Variants in FBXW4 observed in about 807,000 individuals in gnomAD.
FBXW4 encodes F-box/WD repeat-containing protein 4.
A neutral mutation model predicts 61.8 loss-of-function variants in FBXW4; 40 were observed. The ratio of observed to expected loss-of-function variants is 0.65; its 90% CI spans 0.50 to 0.84. The LOEUF (loss-of-function observed/expected upper bound fraction) is 0.84. Ranked by LOEUF, FBXW4 falls within the 40% of genes least tolerant of loss-of-function variation. The pLI, the probability that FBXW4 is intolerant of heterozygous loss-of-function variation, is 0.00. For missense variants in FBXW4, 672 were observed against 753.8 expected, an observed-to-expected ratio of 0.89 and a Z score of 1.27; for synonymous variants, 311 against 313.8, an observed-to-expected ratio of 0.99 and a Z score of 0.10.
At chr10:101,629,699 C>A (rs1482841810) in intron 5 of FBXW4, among the ~76,000 whole-genome samples, 1 of 151,858 alleles carries the variant, frequency 6.6e-6, no homozygotes, top group Non-Finnish European at 1.5e-5. Context: ...AGTCTTGATT[C>A]CAGACCCAAG....
chr10:101,624,293 T>C (rs948975599), intron 6 of FBXW4, among the ~76,000 whole-genome samples: 4 of 150,296 alleles, frequency 2.7e-5, no homozygotes, highest in Non-Finnish European at 5.9e-5. Context: ...AAAACCAGAA[T>C]GGCAGATAAT....
chr10:101,624,744 C>A lies in FBXW4; in HGVS notation c.1301+1G>T. ...CCAGCATGGGCTCATGAATCTCTTA[C>A]CTGTTGAGGTCCCAGATTCTCAGGG... is the stretch of plus-strand genomic sequence containing the variant. On this transcript the variant is annotated splice_donor_variant, in intron 6 of 8. Coordinates refer to ENST00000331272, the MANE Select transcript of FBXW4 (RefSeq NM_022039.4). LOFTEE classifies it high-confidence loss of function. 1 of 1,614,194 alleles carries A rather than the reference C, an allele frequency of 6.2e-7. No individual in the cohort carries two copies. The highest frequency in any genetic ancestry group is 8.5e-7 in the Non-Finnish European group (1 of 1,180,012).
intron 5 of FBXW4, among the ~76,000 whole-genome samples, chr10:101,636,092 G>A (rs1234981314): frequency 1.3e-5 from 2 of 152,114 alleles, no homozygotes; most frequent in Admixed American, 1.3e-4. Flanking sequence ...GTTCACACCT[G>A]TAATCCCAGC....
At chr10:101,624,083 CACAG>C (rs897634787) in intron 6 of FBXW4, among the ~76,000 whole-genome samples, 4 of 138,774 alleles carry the variant, frequency 2.9e-5, no homozygotes, top group Non-Finnish European at 4.8e-5. Context: ...CACACATAGA[CACAG>C]ACAGACACAC....
Position 101,668,000 on chromosome 10 carries a change from T to C in FBXW4, c.1141-20A>G. The stretch of plus-strand genomic sequence containing the variant: ...CCACACCTAGAAACAGGAGAGGAGA[T>C]GCTCTCGTTGGCATTGCCTGGGATC... On this transcript the variant is annotated intron_variant, in intron 4 of 8. Coordinates refer to ENST00000331272, the MANE Select transcript of FBXW4 (RefSeq NM_022039.4). 6.3e-7 allele frequency: 1 copy of C among 1,598,624 alleles called. No homozygotes were observed. Among genetic ancestry groups the C allele is most frequent in the Non-Finnish European group, 8.6e-7 (1 of 1,165,850 alleles).
chr10:101,630,724 G>T (rs189008766), intron 5 of FBXW4, among the ~76,000 whole-genome samples: 82 of 152,314 alleles, frequency 5.4e-4, no homozygotes, highest in African/African-American at 1.9e-3. Context: ...CACAGGCAGG[G>T]GGCAGGTGAA....
At chr10:101,633,300 G>A (rs945640957) in intron 5 of FBXW4, among the ~76,000 whole-genome samples, 1 of 152,112 alleles carries the variant, frequency 6.6e-6, no homozygotes, top group Non-Finnish European at 1.5e-5. Context: ...CTACTATAAA[G>A]GGGACATCAA....
Position 101,624,997 on chromosome 10 carries a change from C to T in FBXW4, c.1236-187G>A, listed in dbSNP as rs2063896637. 4 of 658,746 alleles carry T rather than the reference C, an allele frequency of 6.1e-6. No individual in the cohort carries two copies. The East Asian group carries it at 1.1e-4, about 18-fold the overall frequency. 40.8% of individuals were successfully genotyped at this position (658,746 alleles called of 1,614,324 possible). A position where few individuals can be genotyped will look rare whatever the true frequency, so the allele number is the denominator to read the frequency against. ...TCTTGGAGCACTGTGAGGGGTGTAG[C>T]CCCCAGTGGTGCCTGGCCAGAAGAC... On this transcript the variant is annotated intron_variant, in intron 5 of 8. Transcript: ENST00000331272.
intron 2 of FBXW4, among the ~76,000 whole-genome samples, chr10:101,675,732 A>T (rs192329669): frequency 6.6e-6 from 1 of 152,358 alleles, no homozygotes; most frequent in East Asian, 1.9e-4. Flanking sequence ...TAGAGAGTCA[A>T]ATAATAACTA....
intron 5 of FBXW4, among the ~76,000 whole-genome samples, chr10:101,647,000 G>A (rs1256592190): frequency 6.6e-6 from 1 of 152,146 alleles, no homozygotes; most frequent in Non-Finnish European, 1.5e-5. Context: ...GGAATGGGGT[G>A]CAAGCATGGC....
At chr10:101,641,883 A>T (rs1392627488) in intron 5 of FBXW4, among the ~76,000 whole-genome samples, 4 of 152,028 alleles carry the variant, frequency 2.6e-5, no homozygotes, top group Non-Finnish European at 5.9e-5. Context: ...ACATGTGGCC[A>T]GGCACAGGCA....
Position 101,694,899 on chromosome 10 carries a change from G to A in FBXW4, c.207C>T (p.Ala69=), listed in dbSNP as rs2064660490. ...KPGPQTAKEA[A]GPGADAGARA... is the part of the protein sequence containing the mutation. The stretch of plus-strand genomic sequence containing the variant: ...TCGCTCCCGCGTCAGCCCCCGGCCC[G>A]GCTGCCTCCTTCGCCGTCTGCGGCC... Residue 69 remains alanine (A), a synonymous_variant, in exon 1 of 9, where the codon GCC becomes GCT. Transcript: ENST00000331272. The surrounding 1 kb of genome is among the most constrained non-coding windows in gnomAD (Gnocchi z 6.0). 10 of 1,246,478 alleles carry A rather than the reference G, an allele frequency of 8.0e-6. No individual in the cohort carries two copies. The highest frequency in any genetic ancestry group is 1.0e-5 in the Non-Finnish European group (10 of 996,902). 77.2% of individuals were successfully genotyped at this position (1,246,478 alleles called of 1,614,324 possible). A position where few individuals can be genotyped will look rare whatever the true frequency, so the allele number is the denominator to read the frequency against.
intron 6 of FBXW4, among the ~76,000 whole-genome samples, chr10:101,619,424 C>T (rs1049372144): frequency 1.4e-4 from 21 of 151,886 alleles, no homozygotes; most frequent in African/African-American, 5.1e-4. Context: ...TTTGGGAGGC[C>T]GAGGCAGGTG....
At chr10:101,619,302 C>T (rs918109690) in intron 6 of FBXW4, among the ~76,000 whole-genome samples, 5 of 152,156 alleles carry the variant, frequency 3.3e-5, no homozygotes, top group African/African-American at 1.2e-4. Context: ...GACTCTTTCT[C>T]GTTTAGATAG....
chr10:101,647,109 A>G (rs530475231), intron 5 of FBXW4, among the ~76,000 whole-genome samples: 25 of 152,330 alleles, frequency 1.6e-4, no homozygotes, highest in South Asian at 2.1e-4. Flanking sequence ...GGCTTTCCCA[A>G]TGGAGGCTGC....
At chr10:101,658,039 T>C (rs1189404087) in intron 5 of FBXW4, among the ~76,000 whole-genome samples, 1 of 152,204 alleles carries the variant, frequency 6.6e-6, no homozygotes, top group East Asian at 1.9e-4. Flanking sequence ...ACCGTAATGA[T>C]GAAACTCACT....
intron 2 of FBXW4, 133 bp from the exon 3 acceptor site, chr10:101,673,806 C>A (rs1228471856): frequency 7.5e-6 from 6 of 802,702 alleles, no homozygotes; most frequent in Non-Finnish European, 1.1e-5. Context: ...ATACTTGATA[C>A]CCTCCTTCAA....
intron 4 of FBXW4, among the ~76,000 whole-genome samples, chr10:101,672,006 A>G (rs1222292577): frequency 2.0e-5 from 3 of 152,248 alleles, no homozygotes; most frequent in South Asian, 2.1e-4. Context: ...CAGAGGGTAC[A>G]TGCAGTCAGA....
At chr10:101,640,480 TTC>T (rs1401154775) in intron 5 of FBXW4, among the ~76,000 whole-genome samples, 2 of 106,128 alleles carry the variant, frequency 1.9e-5, no homozygotes, top group Admixed American at 1.4e-4. Context: ...CTTTCTTTCT[TTC>T]TCTTTTTTTT....
Sources: allele counts gnomAD v4.1 joint callset (sites outside exome capture counted in the v4.1 genomes callset), GRCh38; gene constraint gnomAD v4.1.1; non-coding constraint Gnocchi (gnomAD v3.1); transcripts MANE v1.5; gene names NCBI Gene and HGNC (gene_info 2026-07-23, HGNC 2026-07-21).